The following GRIK3 variants were observed in gnomAD, a reference collection of about 807,000 sequenced individuals.
The protein encoded by GRIK3 is glutamate ionotropic receptor kainate type subunit 3.
A neutral mutation model predicts 102.5 loss-of-function variants in GRIK3; 29 were observed. That is an observed-to-expected ratio of 0.28 (90% CI 0.21 to 0.39). The LOEUF is 0.39. GRIK3 is among the 10% of genes least tolerant of loss of function. The pLI, the probability that GRIK3 is intolerant of heterozygous loss-of-function variation, is 1.00. For missense variants in GRIK3, 908 were observed against 1,252.4 expected, an observed-to-expected ratio of 0.73 and a Z score of 4.15; for synonymous variants, 511 against 504.9, an observed-to-expected ratio of 1.01 and a Z score of -0.16.
At position 36,937,998 on chromosome 1, in the gene GRIK3, A is replaced by T. The variant is rs539523243; in HGVS notation, c.116-46902T>A. Reference sequence around the variant, plus strand: ...TTAATCAATAAGCATTCCCTTAAAGATATACTAGGTGTCCAGCCCTGTGTC... The same window carrying T: ...TTAATCAATAAGCATTCCCTTAAAGTTATACTAGGTGTCCAGCCCTGTGTC... On this transcript the variant is annotated intron_variant, in intron 1 of 15. Transcript: ENST00000373091. Among the ~76,000 whole-genome samples, 12 of 152,340 alleles carry T rather than the reference A, an allele frequency of 7.9e-5. No individual in the cohort carries two copies. In the South Asian group the frequency reaches 2.5e-3, roughly 32 times the overall value.
At chr1:36,881,705 A>T (rs1640980389) in intron 2 of GRIK3, among the ~76,000 whole-genome samples, 1 of 152,150 alleles carries the variant, frequency 6.6e-6, no homozygotes, top group Admixed American at 6.5e-5. Flanking sequence ...AGCCAGGGTG[A>T]GACTTCCACA....
At chr1:36,994,813 G>A (rs1330874808) in intron 1 of GRIK3, among the ~76,000 whole-genome samples, 2 of 152,128 alleles carry the variant, frequency 1.3e-5, no homozygotes, top group Admixed American at 6.5e-5. Context: ...TAATAAAAAC[G>A]AAAGAACTCT....
intron 1 of GRIK3, among the ~76,000 whole-genome samples, chr1:36,901,530 G>A (rs1641232024): frequency 1.3e-5 from 2 of 152,066 alleles, no homozygotes; most frequent in African/African-American, 4.8e-5. Context: ...AAGAATAAAG[G>A]GGAATGTCCT....
rs542432079 is a variant in GRIK3, at chr1:36,911,431, A to T, written c.116-20335T>A. 2.0e-5 allele frequency among the ~76,000 whole-genome samples: 3 copies of T among 152,312 alleles called. No individual in the cohort carries two copies. In the East Asian group the frequency reaches 5.8e-4, roughly 29 times the overall value. ...AGGCTTAAATGGCATAAATCACCTA[A>T]AGCACATTGTATGCCTTTGATAAGA... On this transcript the variant is annotated intron_variant, in intron 1 of 15. Transcript: ENST00000373091.
At chr1:36,838,459 A>G (rs183390717) in intron 10 of GRIK3, among the ~76,000 whole-genome samples, 2 of 152,316 alleles carry the variant, frequency 1.3e-5, no homozygotes, top group Admixed American at 6.5e-5. Flanking sequence ...GGGTATAATC[A>G]CTGCTCTGTC....
chr1:36,941,802 A>C (rs2279779), intron 1 of GRIK3, among the ~76,000 whole-genome samples: 28,239 of 152,144 alleles, frequency 0.19, 2,797 homozygotes, highest in Middle Eastern at 0.28. Context: ...TTTGCTCAAG[A>C]TCATGCAGCT....
chr1:36,823,661 G>A (rs969854853), intron 11 of GRIK3, among the ~76,000 whole-genome samples: 17 of 152,018 alleles, frequency 1.1e-4, no homozygotes, highest in African/African-American at 4.1e-4. Flanking sequence ...TGAGCTCTCC[G>A]GGGTGCCTTA....
At chr1:37,011,331 G>A (rs1240043268) in intron 1 of GRIK3, among the ~76,000 whole-genome samples, 1 of 152,204 alleles carries the variant, frequency 6.6e-6, no homozygotes, top group Non-Finnish European at 1.5e-5. Flanking sequence ...TGAGCTCTAT[G>A]TAGCAGACAC....
chr1:36,901,941 A>G (rs533468499), intron 1 of GRIK3, among the ~76,000 whole-genome samples: 1 of 152,262 alleles, frequency 6.6e-6, no homozygotes, highest in South Asian at 2.1e-4. Flanking sequence ...ACCAGCAATG[A>G]ACAAATGGAA....
intron 1 of GRIK3, among the ~76,000 whole-genome samples, chr1:36,897,457 GA>G (rs1397403140): frequency 2.6e-5 from 4 of 152,082 alleles, no homozygotes; most frequent in African/African-American, 9.7e-5. Context: ...CCTGCTCAAT[GA>G]AAACTACAAA....
chr1:36,931,248 C>A (rs1641585162), intron 1 of GRIK3, among the ~76,000 whole-genome samples: 1 of 152,166 alleles, frequency 6.6e-6, no homozygotes, highest in African/African-American at 2.4e-5. Context: ...AGGAACATGA[C>A]TGAATAGAAG....
intron 1 of GRIK3, among the ~76,000 whole-genome samples, chr1:37,028,115 G>A (rs186338035): frequency 1.0e-3 from 155 of 152,256 alleles, no homozygotes; most frequent in Admixed American, 3.4e-3. Flanking sequence ...GAAGGAAAAC[G>A]GGAAGTGAGG....
At chr1:37,020,464 C>A (rs2124075011) in intron 1 of GRIK3, among the ~76,000 whole-genome samples, 1 of 152,290 alleles carries the variant, frequency 6.6e-6, no homozygotes, top group Non-Finnish European at 1.5e-5. Context: ...AGAACACAAT[C>A]CTACTTACAA....
chr1:36,804,413 A>G (rs1478430427), intron 15 of GRIK3, among the ~76,000 whole-genome samples: 1 of 152,160 alleles, frequency 6.6e-6, no homozygotes, highest in Non-Finnish European at 1.5e-5. Context: ...TCTCCCTGTG[A>G]TTCTAATTTG....
intron 10 of GRIK3, among the ~76,000 whole-genome samples, chr1:36,833,304 C>T (rs935315012): frequency 6.6e-6 from 1 of 152,152 alleles, no homozygotes; most frequent in Non-Finnish European, 1.5e-5. Flanking sequence ...GTGCCCTGGC[C>T]CCGGATGAAC....
chr1:37,010,021 T>C (rs1642576120), intron 1 of GRIK3, among the ~76,000 whole-genome samples: 1 of 152,164 alleles, frequency 6.6e-6, no homozygotes, highest in African/African-American at 2.4e-5. Context: ...AGCAGAGTCT[T>C]CAGAGAGGCC....
At chr1:36,871,761 G>A (rs1640846284) in intron 4 of GRIK3, among the ~76,000 whole-genome samples, 1 of 152,306 alleles carries the variant, frequency 6.6e-6, no homozygotes, top group South Asian at 2.1e-4. Context: ...TGGGCTACGG[G>A]GAATTAGTCA....
chr1:36,801,783 G>A lies in GRIK3; in HGVS notation c.*68C>T, dbSNP rs187698007. 12 of 1,372,038 alleles carry A rather than the reference G, an allele frequency of 8.7e-6. No individual in the cohort carries two copies. Among genetic ancestry groups the A allele is most frequent in the African/African-American group, 2.9e-5 (2 of 69,284 alleles). 85.0% of individuals were successfully genotyped at this position (1,372,038 alleles called of 1,614,324 possible). On this transcript the variant is annotated 3_prime_UTR_variant, in exon 16 of 16. Transcript: ENST00000373091. Reference sequence around the variant, plus strand: ...CAAGCCCAGTGCGGGGACAGGGGACGTTCCTTCCAATCTCCTTTGCTTTCC... The same window carrying A: ...CAAGCCCAGTGCGGGGACAGGGGACATTCCTTCCAATCTCCTTTGCTTTCC...
intron 1 of GRIK3, among the ~76,000 whole-genome samples, chr1:36,972,496 G>A (rs1174619212): frequency 6.6e-6 from 1 of 152,126 alleles, no homozygotes; most frequent in African/African-American, 2.4e-5. Flanking sequence ...AGGGTCTTGA[G>A]AAACGGGAGG....
Sources: gnomAD v4.1 joint callset for allele counts (sites outside exome capture counted in the v4.1 genomes callset) on GRCh38, gnomAD v4.1.1 for gene constraint, MANE v1.5 for transcripts, NCBI Gene and HGNC (gene_info 2026-07-23, HGNC 2026-07-21) for gene names.